The following NRXN1 variants were observed in gnomAD, a reference collection of about 807,000 sequenced individuals.
The protein encoded by NRXN1 is neurexin-1.
In NRXN1, 39 loss-of-function variants were observed where a neutral mutation model predicts 150.9. The observed-to-expected ratio is 0.26, with a 90% CI of 0.20 to 0.34. NRXN1 has a LOEUF of 0.34. Among genes scored for constraint, NRXN1 ranks in the 10% least tolerant of loss-of-function variants. The probability of loss-of-function intolerance (pLI) is 1.00; values close to 1 mark genes in which losing one functional copy is unlikely to be tolerated. For synonymous variants in NRXN1, 924 were observed against 757.0 expected, an observed-to-expected ratio of 1.22 and a Z score of -3.62; for missense variants, 1,815 against 1,949.9, an observed-to-expected ratio of 0.93 and a Z score of 1.30.
rs186262834 is a variant in NRXN1 at position 50,135,287 on chromosome 2, T to C, written c.3547-43793A>G. Among the ~76,000 whole-genome samples, 755 of 152,334 alleles carry C rather than the reference T, an allele frequency of 5.0e-3. 30 individuals are homozygous for C. Among genetic ancestry groups the C allele is most frequent in the Admixed American group, 0.045 (693 of 15,302 alleles). ...TTTCCACAAGTCATTACCAGAGATT[T>C]AAGCCACAGTAAAAAGGTGGAGGAG... On this transcript the variant is annotated intron_variant, in intron 18 of 22. Transcript: ENST00000401669.
At chr2:50,355,509 C>T (rs976248303) in intron 17 of NRXN1, among the ~76,000 whole-genome samples, 4 of 152,046 alleles carry the variant, frequency 2.6e-5, no homozygotes, top group African/African-American at 9.7e-5. Flanking sequence ...ACCCCAGGCT[C>T]CAGCCACATG....
At chr2:50,381,574 A>C (rs977462676) in intron 17 of NRXN1, among the ~76,000 whole-genome samples, 2 of 107,808 alleles carry the variant, frequency 1.9e-5, no homozygotes, top group Non-Finnish European at 2.1e-5. Flanking sequence ...CACACACACA[A>C]TCTGCTTTTG....
At chr2:50,451,721 A>G (rs1299264359) in intron 17 of NRXN1, among the ~76,000 whole-genome samples, 1 of 152,220 alleles carries the variant, frequency 6.6e-6, no homozygotes, top group Non-Finnish European at 1.5e-5. Context: ...TGGATGGCAG[A>G]AAATGGAATT....
intron 8 of NRXN1, among the ~76,000 whole-genome samples, chr2:50,554,660 TAATA>T (rs1236782903): frequency 6.6e-6 from 1 of 152,214 alleles, no homozygotes; most frequent in Non-Finnish European, 1.5e-5. Flanking sequence ...CTTTATCATC[TAATA>T]GACACAGATT....
chr2:49,979,715 C>T (rs1679643522), intron 21 of NRXN1, among the ~76,000 whole-genome samples: 1 of 152,048 alleles, frequency 6.6e-6, no homozygotes. Context: ...GTGGAAAATC[C>T]AAGCAGATTG....
chr2:50,246,719 G>C (rs536086064), intron 17 of NRXN1, among the ~76,000 whole-genome samples: 1 of 124,072 alleles, frequency 8.1e-6, no homozygotes, highest in South Asian at 2.5e-4. Flanking sequence ...GCTGGTTTAG[G>C]CTTCTCTGCT....
At chr2:50,636,166 T>C (rs1038045834) in intron 5 of NRXN1, among the ~76,000 whole-genome samples, 3 of 152,156 alleles carry the variant, frequency 2.0e-5, no homozygotes, top group African/African-American at 4.8e-5. Context: ...AGAAAAAAAA[T>C]ACATGTTTCT....
At chr2:50,702,641 C>T (rs1032229619) in intron 5 of NRXN1, among the ~76,000 whole-genome samples, 3 of 151,976 alleles carry the variant, frequency 2.0e-5, no homozygotes, top group African/African-American at 7.2e-5. Context: ...TTTTTTTAAA[C>T]TTCTCTTAGC....
intron 5 of NRXN1, chr2:50,631,085 A>C (rs779072235): frequency 4.4e-6 from 2 of 452,218 alleles, no homozygotes; most frequent in South Asian, 3.5e-5. Context: ...TGATTATTAC[A>C]AGTAAAAATC....
Position 50,986,379 on chromosome 2 carries a change from T to C in NRXN1, c.772+41123A>G, listed in dbSNP as rs1179201309. Among the ~76,000 whole-genome samples, 4 of 151,716 alleles carry C rather than the reference T, an allele frequency of 2.6e-5. No individual in the cohort carries two copies. The East Asian group carries it at 7.7e-4, about 29-fold the overall frequency. On this transcript the variant is annotated intron_variant, in intron 2 of 22. Transcript: ENST00000401669. The stretch of plus-strand genomic sequence containing the variant: ...TGTGAGTTAAATATGGACAAACATA[T>C]ACAGAATATCCACTGCAACATTATT...
intron 17 of NRXN1, among the ~76,000 whole-genome samples, chr2:50,240,857 A>G (rs2065937893): frequency 1.3e-5 from 2 of 151,700 alleles, no homozygotes; most frequent in African/African-American, 4.8e-5. Context: ...AATTTTAGAG[A>G]GAATAGGTGT....
chr2:50,467,133 G>C (rs998849259), intron 16 of NRXN1, among the ~76,000 whole-genome samples: 1 of 151,714 alleles, frequency 6.6e-6, no homozygotes, highest in African/African-American at 2.4e-5. Context: ...TCCATGTGCA[G>C]CGTTTATCCT....
At chr2:50,773,078 A>G (rs1703200477) in intron 5 of NRXN1, among the ~76,000 whole-genome samples, 1 of 152,162 alleles carries the variant, frequency 6.6e-6, no homozygotes, top group South Asian at 2.1e-4. Context: ...CTGTCATACA[A>G]CTACTTTACC....
At chr2:50,297,158 G>T (rs2152951286) in intron 17 of NRXN1, among the ~76,000 whole-genome samples, 1 of 152,198 alleles carries the variant, frequency 6.6e-6, no homozygotes, top group Non-Finnish European at 1.5e-5. Flanking sequence ...CAAAGTGCTG[G>T]GATTACAGGC....
chr2:50,044,903 C>T (rs967052464), intron 21 of NRXN1, among the ~76,000 whole-genome samples: 22 of 152,232 alleles, frequency 1.4e-4, no homozygotes, highest in South Asian at 4.1e-4. Flanking sequence ...AAAATACACA[C>T]GTACATACAC....
At chr2:50,062,946 G>C (rs560020009) in intron 19 of NRXN1, among the ~76,000 whole-genome samples, 22 of 152,220 alleles carry the variant, frequency 1.4e-4, no homozygotes, top group Admixed American at 5.9e-4. Context: ...TCTTTGGAAG[G>C]CTTCTTATTT....
At chr2:50,604,289 C>A (rs986242801) in intron 8 of NRXN1, among the ~76,000 whole-genome samples, 4 of 152,084 alleles carry the variant, frequency 2.6e-5, no homozygotes, top group Non-Finnish European at 5.9e-5. Flanking sequence ...GTTAAAAATG[C>A]GGGTCTACTG....
intron 5 of NRXN1, among the ~76,000 whole-genome samples, chr2:50,838,702 G>C (rs536326400): frequency 5.9e-5 from 9 of 152,204 alleles, no homozygotes; most frequent in Admixed American, 4.6e-4. Flanking sequence ...TGACGCATCT[G>C]CAAGTGAAAG....
At chr2:50,122,850 G>C (rs1157017038) in intron 18 of NRXN1, among the ~76,000 whole-genome samples, 3 of 152,136 alleles carry the variant, frequency 2.0e-5, no homozygotes, top group African/African-American at 7.2e-5. Context: ...AGGTATATTA[G>C]AGGAATTCAT....
Sources: allele counts gnomAD v4.1 joint callset (sites outside exome capture counted in the v4.1 genomes callset), GRCh38; gene constraint gnomAD v4.1.1; transcripts MANE v1.5; gene names NCBI Gene and HGNC (gene_info 2026-07-23, HGNC 2026-07-21).